SLC24A2: variants seen among roughly 807,000 people sequenced by gnomAD.
The protein encoded by SLC24A2 is solute carrier family 24 member 2.
In SLC24A2, 36 loss-of-function variants were observed where a neutral mutation model predicts 62.0. The ratio of observed to expected loss-of-function variants is 0.58; its 90% CI spans 0.44 to 0.77. The LOEUF (loss-of-function observed/expected upper bound fraction) is 0.77, where lower values mean the gene tolerates loss of function less well. Ranked by LOEUF, SLC24A2 falls within the 30% of genes least tolerant of loss-of-function variation. The probability of loss-of-function intolerance (pLI) is 0.00; values close to 1 mark genes in which losing one functional copy is unlikely to be tolerated. For missense variants in SLC24A2, 846 were observed against 817.9 expected, an observed-to-expected ratio of 1.03 and a Z score of -0.42; for synonymous variants, 358 against 294.0, an observed-to-expected ratio of 1.22 and a Z score of -2.23.
At chr9:20,105,835 A>G in the SLC24A2 span, among the ~76,000 whole-genome samples, 5 of 152,146 alleles carry the variant, frequency 3.3e-5, no homozygotes, top group African/African-American at 9.7e-5. Context: ...GAAGGCAAGA[A>G]GTAACTAAAA....
chr9:19,786,571 G>A lies in SLC24A2; in HGVS notation c.296C>T (p.Pro99Leu), dbSNP rs757679768. The change falls in exon 2 of 11, where the codon CCA (proline) becomes CTA (leucine). Residue 99 changes from proline to leucine, a missense_variant. By Grantham distance (98) the Pro-to-Leu change is moderately conservative. Transcript: ENST00000341998. This position sits in a 1 kb window ranked among gnomAD's most constrained non-coding sequence, Gnocchi z 5.0. ...GCCTTCCTTAGAAAGAGGTGGCTGT[G>A]GAGTATAATCCAGAATCTTGTCATT... ...DLNDKILDYT[P>L]QPPLSKEGES... 11 of 1,614,016 alleles carry A rather than the reference G, an allele frequency of 6.8e-6. No individual in the cohort carries two copies. The Admixed American group carries it at 1.5e-4, about 22-fold the overall frequency.
the SLC24A2 span, among the ~76,000 whole-genome samples, chr9:20,253,069 C>A: frequency 2.3e-3 from 352 of 152,280 alleles, 2 homozygotes; most frequent in African/African-American, 8.0e-3. Context: ...TGTTGCCTAT[C>A]CCAAGGCAAT....
At chr9:20,011,979 G>C in the SLC24A2 span, among the ~76,000 whole-genome samples, 1 of 152,034 alleles carries the variant, frequency 6.6e-6, no homozygotes, top group Non-Finnish European at 1.5e-5. Context: ...ACTGACAAAA[G>C]TCAACACCTT....
At chr9:20,228,547 G>A in the SLC24A2 span, among the ~76,000 whole-genome samples, 1 of 152,178 alleles carries the variant, frequency 6.6e-6, no homozygotes, top group South Asian at 2.1e-4. Context: ...AAGTGGAAGG[G>A]AGTAGACTGG....
chr9:20,052,124 A>G, the SLC24A2 span, among the ~76,000 whole-genome samples: 1 of 152,176 alleles, frequency 6.6e-6, no homozygotes, highest in East Asian at 1.9e-4. Flanking sequence ...TATGTTGATG[A>G]TGCCCAAATT....
At chr9:19,865,258 C>A in the SLC24A2 span, among the ~76,000 whole-genome samples, 4 of 152,036 alleles carry the variant, frequency 2.6e-5, no homozygotes, top group Non-Finnish European at 5.9e-5. Context: ...TCCATACTAT[C>A]CAAAGTAATC....
chr9:20,295,873 G>C, the SLC24A2 span, among the ~76,000 whole-genome samples: 1 of 152,128 alleles, frequency 6.6e-6, no homozygotes, highest in Non-Finnish European at 1.5e-5. Context: ...CCATAACTGC[G>C]TGAGACAATT....
chr9:19,776,779 G>C (rs1822858534), intron 2 of SLC24A2, among the ~76,000 whole-genome samples: 1 of 152,224 alleles, frequency 6.6e-6, no homozygotes, highest in South Asian at 2.1e-4. Flanking sequence ...TGTTTAGGGT[G>C]AATGTATTAG....
intron 2 of SLC24A2, among the ~76,000 whole-genome samples, chr9:19,772,743 C>T (rs965205303): frequency 6.6e-6 from 1 of 152,146 alleles, no homozygotes; most frequent in East Asian, 1.9e-4. Context: ...CTCATACACA[C>T]AGGAAAGCAA....
At chr9:19,911,566 C>T in the SLC24A2 span, among the ~76,000 whole-genome samples, 1 of 152,168 alleles carries the variant, frequency 6.6e-6, no homozygotes, top group Non-Finnish European at 1.5e-5. Flanking sequence ...TGGAATCAGG[C>T]ATCAGATAAG....
At chr9:19,559,340 T>G (rs1022011973) in intron 7 of SLC24A2, among the ~76,000 whole-genome samples, 1 of 152,178 alleles carries the variant, frequency 6.6e-6, no homozygotes. Context: ...TTTAGTGATA[T>G]CAATAATTTC....
At chr9:20,016,482 A>G in the SLC24A2 span, among the ~76,000 whole-genome samples, 2 of 152,152 alleles carry the variant, frequency 1.3e-5, no homozygotes, top group African/African-American at 4.8e-5. Context: ...CTTATGATTT[A>G]TGTTCCATTC....
intron 7 of SLC24A2, among the ~76,000 whole-genome samples, chr9:19,553,700 C>A (rs1269524672): frequency 2.0e-5 from 3 of 152,180 alleles, no homozygotes; most frequent in Admixed American, 2.0e-4. Context: ...TGGGTAGTTA[C>A]CACCAACACC....
chr9:19,761,644 C>T (rs1822334359), intron 2 of SLC24A2, among the ~76,000 whole-genome samples: 1 of 151,918 alleles, frequency 6.6e-6, no homozygotes. Flanking sequence ...TTCCCCCATC[C>T]CACAACAGTC....
chr9:19,541,975 G>A (rs1314971171), intron 8 of SLC24A2, among the ~76,000 whole-genome samples: 4 of 152,212 alleles, frequency 2.6e-5, no homozygotes, highest in African/African-American at 9.7e-5. Context: ...TTTTCCAGGT[G>A]CCGTCTGTCA....
At chr9:19,561,264 A>G (rs1256834257) in intron 7 of SLC24A2, among the ~76,000 whole-genome samples, 2 of 150,872 alleles carry the variant, frequency 1.3e-5, no homozygotes, top group Admixed American at 1.3e-4. Flanking sequence ...AATTCTCTCT[A>G]CTCTGTTCTT....
chr9:19,665,762 G>A (rs1045499067), intron 2 of SLC24A2, among the ~76,000 whole-genome samples: 4 of 151,954 alleles, frequency 2.6e-5, no homozygotes, highest in African/African-American at 4.8e-5. Flanking sequence ...TAGCTGGTAC[G>A]CGCCACCATG....
intron 2 of SLC24A2, among the ~76,000 whole-genome samples, chr9:19,685,326 C>T (rs529423125): frequency 6.6e-4 from 100 of 152,174 alleles, no homozygotes; most frequent in African/African-American, 2.3e-3. Context: ...GTTGAAATGG[C>T]CATACTGCCC....
the SLC24A2 span, among the ~76,000 whole-genome samples, chr9:19,976,763 A>C: frequency 2.0e-5 from 3 of 152,296 alleles, no homozygotes; most frequent in East Asian, 5.8e-4. Flanking sequence ...TCCTGGAACA[A>C]ATTCCCTGTG....
Sources: gnomAD v4.1 joint callset for allele counts (sites outside exome capture counted in the v4.1 genomes callset) on GRCh38, gnomAD v4.1.1 for gene constraint, Gnocchi (gnomAD v3.1) non-coding constraint, MANE v1.5 for transcripts, NCBI Gene and HGNC (gene_info 2026-07-23, HGNC 2026-07-21) for gene names.